Variants in CFAP20DC observed in about 807,000 individuals in gnomAD.
CFAP20DC encodes CFAP20 domain containing, also known as protein CFAP20DC.
Under a neutral mutation model 101.7 loss-of-function variants are expected in CFAP20DC, and 84 were observed. The observed-to-expected ratio is 0.83, with a 90% CI of 0.69 to 0.99. CFAP20DC has a LOEUF of 0.99. Ranked by LOEUF, CFAP20DC falls within the 50% of genes least tolerant of loss-of-function variation. The pLI, the probability that CFAP20DC is intolerant of heterozygous loss-of-function variation, is 0.00. For missense variants in CFAP20DC, 1,007 were observed against 970.3 expected (o/e 1.04, Z -0.50); for synonymous variants, 359 against 351.2 (o/e 1.02, Z -0.25).
At chr3:58,762,160 G>T (rs1457445017) in intron 15 of CFAP20DC, among the ~76,000 whole-genome samples, 2 of 152,132 alleles carry the variant, frequency 1.3e-5, no homozygotes, top group African/African-American at 4.8e-5. Context: ...CATTATTATT[G>T]TGTGGGAGTC....
chr3:58,970,388 G>T (rs959361578), intron 4 of CFAP20DC: 1 of 152,152 alleles, frequency 6.6e-6, no homozygotes, highest in African/African-American at 2.4e-5. Flanking sequence ...AGACGGAGAG[G>T]ATGCTGTGCG....
intron 3 of CFAP20DC, among the ~76,000 whole-genome samples, chr3:58,730,018 CAAAAAAAAAAAAAA>C (rs769033730): frequency 1.5e-4 from 8 of 53,540 alleles, no homozygotes; most frequent in Admixed American, 6.3e-4. Flanking sequence ...AACCTGTCTC[CAAAAAAAAAAAAAA>C]AAAAAAAGAA....
chr3:58,815,679 C>T (rs2075064103), intron 14 of CFAP20DC, among the ~76,000 whole-genome samples: 2 of 151,112 alleles, frequency 1.3e-5, no homozygotes, highest in Admixed American at 1.3e-4. Flanking sequence ...AACAAACAAC[C>T]CCATCAAAAA....
intron 6 of CFAP20DC, among the ~76,000 whole-genome samples, chr3:58,891,482 CTTTTT>C (rs1420351458): frequency 2.2e-4 from 29 of 130,712 alleles, no homozygotes; most frequent in South Asian, 7.6e-4. Context: ...AGCTTTTTTA[CTTTTT>C]AATAGTGGCC....
At chr3:58,884,510 T>C (rs902683621) in intron 7 of CFAP20DC, 35 bp downstream of exon 7, 1 of 1,594,904 alleles carries the variant, frequency 6.3e-7, no homozygotes, top group African/African-American at 1.3e-5. Flanking sequence ...GATGCAGACA[T>C]ATTACACTTA....
At chr3:58,853,727 C>A (rs1287127387) in intron 12 of CFAP20DC, among the ~76,000 whole-genome samples, 1 of 152,112 alleles carries the variant, frequency 6.6e-6, no homozygotes, top group Non-Finnish European at 1.5e-5. Flanking sequence ...GAACCAAAGA[C>A]AAAAACCACA....
At chr3:58,870,684 C>A (rs1213911343) in intron 7 of CFAP20DC, among the ~76,000 whole-genome samples, 1 of 148,708 alleles carries the variant, frequency 6.7e-6, no homozygotes, top group Admixed American at 6.7e-5. Context: ...GTCAGGAGAT[C>A]GAGACCATCC....
chr3:58,919,446 G>A (rs545642929), intron 5 of CFAP20DC, among the ~76,000 whole-genome samples: 255 of 152,144 alleles, frequency 1.7e-3, no homozygotes, highest in Non-Finnish European at 3.1e-3. Flanking sequence ...GAAATCATGA[G>A]GTATAAGTAA....
At chr3:58,938,230 C>T (rs1480284841) in intron 4 of CFAP20DC, among the ~76,000 whole-genome samples, 1 of 152,194 alleles carries the variant, frequency 6.6e-6, no homozygotes, top group African/African-American at 2.4e-5. Context: ...AAAACCCTGG[C>T]TGTCGGTTTC....
At chr3:58,804,243 T>C (rs1454953817) in intron 15 of CFAP20DC, among the ~76,000 whole-genome samples, 1 of 152,222 alleles carries the variant, frequency 6.6e-6, no homozygotes, top group Non-Finnish European at 1.5e-5. Flanking sequence ...TCTGAGATTA[T>C]ATACTATGTT....
Position 58,742,160 on chromosome 3 carries a change from T to A in CFAP20DC, c.*300A>T. On this transcript the variant is annotated 3_prime_UTR_variant, in exon 17 of 17. Transcript: ENST00000482387. Reference sequence around the variant, plus strand: ...TTTGAATGAATAACTCTTAATTTGTTTACATAAAATTATCTGAAATAAACA... The same window carrying A: ...TTTGAATGAATAACTCTTAATTTGTATACATAAAATTATCTGAAATAAACA... The A allele has an allele frequency of 1.1e-6, 1 of 920,882 alleles. No homozygotes were observed. Among genetic ancestry groups the A allele is most frequent in the Non-Finnish European group, 1.3e-6 (1 of 766,360 alleles). The allele number at this position is 920,882 out of a possible 1,614,324, so 57.0% of individuals were successfully genotyped here.
At chr3:58,800,167 C>G (rs2073582723) in intron 15 of CFAP20DC, among the ~76,000 whole-genome samples, 1 of 152,154 alleles carries the variant, frequency 6.6e-6, no homozygotes. Flanking sequence ...AGGGGCAATG[C>G]CTGCATCTGA....
At chr3:58,815,435 G>A (rs2075037986) in intron 14 of CFAP20DC, among the ~76,000 whole-genome samples, 1 of 147,836 alleles carries the variant, frequency 6.8e-6, no homozygotes, top group Non-Finnish European at 1.5e-5. Flanking sequence ...TACCATTCAG[G>A]ACATAGGCAT....
intron 15 of CFAP20DC, among the ~76,000 whole-genome samples, chr3:58,772,822 T>G (rs929760486): frequency 6.6e-6 from 1 of 152,206 alleles, no homozygotes; most frequent in Non-Finnish European, 1.5e-5. Flanking sequence ...CAGTATAGTC[T>G]TATCCTTTTT....
chr3:58,740,252 A>G (rs1443193158), downstream of CFAP20DC, among the ~76,000 whole-genome samples: 1 of 152,170 alleles, frequency 6.6e-6, no homozygotes, highest in Non-Finnish European at 1.5e-5. This position sits in a 1 kb window ranked among gnomAD's most constrained non-coding sequence, Gnocchi z 4.6. Flanking sequence ...CAGGATAGAC[A>G]TCTGTGGTTT....
At chr3:58,748,905 T>C (rs2068380183) in intron 16 of CFAP20DC, among the ~76,000 whole-genome samples, 1 of 152,136 alleles carries the variant, frequency 6.6e-6, no homozygotes, top group Non-Finnish European at 1.5e-5. Context: ...GGCTAGCCCC[T>C]TACCTCATCT....
At chr3:58,806,896 A>C in intron 14 of CFAP20DC, among the ~76,000 whole-genome samples, 1 of 152,064 alleles carries the variant, frequency 6.6e-6, no homozygotes, top group Admixed American at 6.5e-5. Flanking sequence ...GGCTTAAAAA[A>C]CGGCGCACCA....
rs1296412869 is a variant in CFAP20DC, at chr3:58,874,557, C to T, written c.716-4248G>A. 6.6e-6 allele frequency among the ~76,000 whole-genome samples: 1 copy of T among 152,084 alleles called. No individual in the cohort carries two copies. The highest frequency in any genetic ancestry group is 1.9e-4 in the East Asian group (1 of 5,196). On this transcript the variant is annotated intron_variant, in intron 7 of 16. Transcript: ENST00000482387. This position sits in a 1 kb window ranked among gnomAD's most constrained non-coding sequence, Gnocchi z 5.1. ...TTACACCTCTCGTTTTCTGCCCTCT[C>T]GGTAGACGGGCCTTCTCAGTTCTTC...
chr3:58,898,552 T>G (rs966899832), intron 6 of CFAP20DC, among the ~76,000 whole-genome samples: 5 of 152,248 alleles, frequency 3.3e-5, no homozygotes, highest in Non-Finnish European at 7.3e-5. Context: ...TACGTTCTTC[T>G]TTAAACTGGC....
Sources: allele counts gnomAD v4.1 joint callset (sites outside exome capture counted in the v4.1 genomes callset), GRCh38; gene constraint gnomAD v4.1.1; non-coding constraint Gnocchi (gnomAD v3.1); transcripts MANE v1.5; gene names NCBI Gene and HGNC (gene_info 2026-07-23, HGNC 2026-07-21).